LDB3: variants seen among roughly 807,000 people sequenced by gnomAD.
The protein encoded by LDB3 is LIM domain-binding protein 3.
A neutral mutation model predicts 69.0 loss-of-function variants in LDB3; 49 were observed. The observed-to-expected ratio is 0.71, with a 90% CI of 0.56 to 0.90. The LOEUF is 0.90. Ranked by LOEUF, LDB3 falls within the 40% of genes least tolerant of loss-of-function variation. The pLI is 0.00. For synonymous variants in LDB3, 387 were observed against 396.2 expected, an observed-to-expected ratio of 0.98 and a Z score of 0.28; for missense variants, 928 against 974.1, an observed-to-expected ratio of 0.95 and a Z score of 0.63.
intron 2 of LDB3, among the ~76,000 whole-genome samples, chr10:86,673,540 G>A (rs1564629295): frequency 6.6e-6 from 1 of 152,094 alleles, no homozygotes; most frequent in African/African-American, 2.4e-5. Context: ...CGGCCAGGGT[G>A]GAGTTGGGGA....
chr10:86,668,657 C>T lies in LDB3; in HGVS notation c.-23-12C>T. 1.9e-6 allele frequency: 3 copies of T among 1,555,878 alleles called. No individual in the cohort carries two copies. Among genetic ancestry groups the T allele is most frequent in the Admixed American group, 1.7e-5 (1 of 59,962 alleles). On this transcript the variant is annotated splice_polypyrimidine_tract_variant and intron_variant, in intron 1 of 13. Transcript: ENST00000361373. ...GCCCTCTCACTCAACCCTCTCTACCCTTTGTCTGCAGAGGCGGCCGCTGAC... is the reference window on the plus strand; with the variant it reads ...GCCCTCTCACTCAACCCTCTCTACCTTTTGTCTGCAGAGGCGGCCGCTGAC...
intron 2 of LDB3, among the ~76,000 whole-genome samples, chr10:86,670,750 G>A (rs1844427410): frequency 6.6e-6 from 1 of 152,242 alleles, no homozygotes; most frequent in Non-Finnish European, 1.5e-5. Flanking sequence ...ACCGGGGGAT[G>A]GGCATGATAT....
intron 4 of LDB3, among the ~76,000 whole-genome samples, chr10:86,680,374 T>C (rs890399499): frequency 2.0e-5 from 3 of 152,232 alleles, no homozygotes; most frequent in African/African-American, 7.2e-5. Flanking sequence ...TGGGAATGAA[T>C]GCCTGCCTGG....
intron 5 of LDB3, among the ~76,000 whole-genome samples, chr10:86,689,234 C>T (rs543572551): frequency 2.4e-4 from 37 of 152,214 alleles, no homozygotes; most frequent in African/African-American, 7.9e-4. Context: ...CGCGCACTCA[C>T]GGCTGGGTTT....
intron 7 of LDB3, among the ~76,000 whole-genome samples, chr10:86,696,600 G>A (rs1352551383): frequency 6.6e-6 from 1 of 152,198 alleles, no homozygotes; most frequent in African/African-American, 2.4e-5. Context: ...AAGCACTAAT[G>A]ACAAACTATC....
intron 12 of LDB3, among the ~76,000 whole-genome samples, chr10:86,720,703 A>G (rs1014419444): frequency 6.6e-6 from 1 of 152,226 alleles, no homozygotes; most frequent in African/African-American, 2.4e-5. Context: ...AACTTCTATT[A>G]TTTGAGATAA....
intron 5 of LDB3, chr10:86,685,609 G>A (rs535286345): frequency 2.8e-5 from 42 of 1,526,080 alleles, no homozygotes; most frequent in South Asian, 7.8e-5. Flanking sequence ...TGATGGCCCC[G>A]GCGCTCAAAC....
At chr10:86,700,997 C>T (rs1846239475) in intron 7 of LDB3, among the ~76,000 whole-genome samples, 1 of 152,208 alleles carries the variant, frequency 6.6e-6, no homozygotes, top group Admixed American at 6.5e-5. Context: ...TGGGCAGAGG[C>T]TTTCCCTCTG....
chr10:86,707,313 T>C lies in LDB3; in HGVS notation c.1085+594T>C, dbSNP rs550718128. ...AACCTTGAAAAAGTGACTGAAGCTC[T>C]CTGAACCTCAGTTTCCTCATCTGTT... On this transcript the variant is annotated intron_variant, in intron 8 of 13. Coordinates refer to ENST00000361373, the MANE Select transcript of LDB3 (RefSeq NM_007078.3). Among the ~76,000 whole-genome samples, 3 of 152,256 alleles carry C rather than the reference T, an allele frequency of 2.0e-5. No homozygotes were observed. In the South Asian group the frequency reaches 6.2e-4, roughly 32 times the overall value.
intron 7 of LDB3, among the ~76,000 whole-genome samples, chr10:86,695,604 A>G (rs1845961025): frequency 6.6e-6 from 1 of 152,210 alleles, no homozygotes. Context: ...TCCACATGGG[A>G]ACTACTCTAG....
At chr10:86,706,384 C>A in intron 7 of LDB3, 147 bp from the exon 8 acceptor site, 1 of 868,744 alleles carries the variant, frequency 1.2e-6, no homozygotes. Flanking sequence ...GGAAGACACA[C>A]CCTCTGAGGA....
chr10:86,728,591 T>TTTTTTTGTTTTTTG (rs1554868952), intron 13 of LDB3, among the ~76,000 whole-genome samples: 1 of 148,220 alleles, frequency 6.7e-6, no homozygotes. Context: ...CTTTTGTTTT[T>TTTTTTTGTTTTTTG]TTTTTTTTTT....
In LDB3 at chr10:86,706,466, C is replaced by T. The variant is rs540499703; in HGVS notation, c.897-65C>T. 15 of 1,565,756 alleles carry T rather than the reference C, an allele frequency of 9.6e-6. No individual in the cohort carries two copies. The African/African-American group carries it at 1.9e-4, about 20-fold the overall frequency. On this transcript the variant is annotated intron_variant, in intron 7 of 13. Coordinates refer to ENST00000361373, the MANE Select transcript of LDB3 (RefSeq NM_007078.3). ...TCTGCTGCAGCCACCTGCCCCCATG[C>T]AGAGGGGCCTCACAGGGTCTCTAGG...
At chr10:86,687,565 G>A (rs1845551498) in intron 5 of LDB3, among the ~76,000 whole-genome samples, 1 of 152,260 alleles carries the variant, frequency 6.6e-6, no homozygotes, top group South Asian at 2.1e-4. Context: ...GCTGGAAGAA[G>A]AGACTTCTAC....
At position 86,734,321 on chromosome 10, in the gene LDB3, A is replaced by G. The variant is rs1286010371; in HGVS notation, c.*1345A>G. ...TAGTGATAGTTTGAGTTAGGTAAGC[A>G]TCTTAAAGCTGTTTGGTGATAAAGA... On this transcript the variant is annotated 3_prime_UTR_variant, in exon 14 of 14. Coordinates refer to ENST00000361373, the MANE Select transcript of LDB3 (RefSeq NM_007078.3). 6.6e-6 allele frequency: 1 copy of G among 152,244 alleles called. No homozygotes were observed. The highest frequency in any genetic ancestry group is 2.4e-5 in the African/African-American group (1 of 41,468). The allele number at this position is 152,244 out of a possible 1,614,324, so 9.4% of individuals were successfully genotyped here.
intron 7 of LDB3, among the ~76,000 whole-genome samples, chr10:86,695,890 C>T (rs945905983): frequency 1.3e-5 from 2 of 152,194 alleles, no homozygotes; most frequent in South Asian, 4.1e-4. Flanking sequence ...AGCATGTAAC[C>T]CAGACATGCC....
intron 2 of LDB3, among the ~76,000 whole-genome samples, chr10:86,675,318 A>G (rs914162957): frequency 6.6e-6 from 1 of 152,250 alleles, no homozygotes; most frequent in Non-Finnish European, 1.5e-5. Context: ...AGGCAGCTCC[A>G]GAGGGAGGAC....
At chr10:86,696,541 G>T (rs1267944679) in intron 7 of LDB3, among the ~76,000 whole-genome samples, 2 of 152,122 alleles carry the variant, frequency 1.3e-5, no homozygotes, top group Admixed American at 1.3e-4. Context: ...TTCAAGTAGA[G>T]CATGCTCACT....
At chr10:86,713,366 C>T (rs772385700) in intron 9 of LDB3, among the ~76,000 whole-genome samples, 6 of 152,030 alleles carry the variant, frequency 3.9e-5, no homozygotes, top group Non-Finnish European at 5.9e-5. Context: ...CCTGCCTTAG[C>T]CTCCCGAGTA....
Sources: allele counts gnomAD v4.1 joint callset (sites outside exome capture counted in the v4.1 genomes callset), GRCh38; gene constraint gnomAD v4.1.1; transcripts MANE v1.5; gene names NCBI Gene and HGNC (gene_info 2026-07-23, HGNC 2026-07-21).